The following FHOD3 variants were observed in gnomAD, a reference collection of about 807,000 sequenced individuals.
FHOD3 encodes FH1/FH2 domain-containing protein 3.
FHOD3 carries 90 observed loss-of-function variants against 173.0 expected under a neutral mutation model. The observed-to-expected ratio is 0.52, with a 90% CI of 0.44 to 0.62. The LOEUF is 0.62. FHOD3 is among the 20% of genes least tolerant of loss of function. The probability of loss-of-function intolerance (pLI) is 0.00; values close to 1 mark genes in which losing one functional copy is unlikely to be tolerated. For synonymous variants in FHOD3, 828 were observed against 823.0 expected, an observed-to-expected ratio of 1.01 and a Z score of -0.10; for missense variants, 1,945 against 2,034.7, an observed-to-expected ratio of 0.96 and a Z score of 0.85.
intron 3 of FHOD3, among the ~76,000 whole-genome samples, chr18:36,438,358 C>T (rs776771485): frequency 2.0e-5 from 3 of 152,122 alleles, no homozygotes; most frequent in Non-Finnish European, 4.4e-5. Flanking sequence ...TTGCTGTGTT[C>T]TCCCCTTCTC....
chr18:36,489,389 C>T (rs541498998), intron 3 of FHOD3, among the ~76,000 whole-genome samples: 6 of 152,292 alleles, frequency 3.9e-5, no homozygotes, highest in Admixed American at 2.6e-4. Flanking sequence ...AACTCGGGTG[C>T]GTGTTCTTCG....
chr18:36,301,045 A>G (rs1239554140), intron 1 of FHOD3, among the ~76,000 whole-genome samples: 3 of 152,160 alleles, frequency 2.0e-5, no homozygotes, highest in Non-Finnish European at 2.9e-5. Context: ...CCTGGCTGGG[A>G]GTAAACTTTT....
chr18:36,656,826 G>A (rs776986461), intron 13 of FHOD3, among the ~76,000 whole-genome samples: 36 of 151,852 alleles, frequency 2.4e-4, no homozygotes, highest in Non-Finnish European at 4.0e-4. Flanking sequence ...TCATACTTTC[G>A]TAGCCATTTC....
intron 1 of FHOD3, among the ~76,000 whole-genome samples, chr18:36,327,213 T>C (rs1418798090): frequency 6.6e-6 from 1 of 152,222 alleles, no homozygotes. Context: ...TTTGTTTCGA[T>C]TGTTAAAAAT....
rs764087061 is a variant in FHOD3 at position 36,744,121 on chromosome 18, C to A, written c.3969C>A (p.Thr1323=). The A allele has an allele frequency of 6.2e-7, 1 of 1,614,064 alleles. No individual in the cohort carries two copies. Among genetic ancestry groups the A allele is most frequent in the African/African-American group, 1.3e-5 (1 of 74,924 alleles). The stretch of plus-strand genomic sequence containing the variant: ...AGTCGCTTCTCCACCATGTGTGCAC[C>A]ATGGTGGTAGAAAACTTCCCAGACA... The part of the protein sequence containing the change: ...HKQSLLHHVC[T]MVVENFPDSS... Residue 1323 remains threonine, a synonymous_variant, in exon 23 of 29, where the codon ACC becomes ACA. Coordinates refer to ENST00000590592, the MANE Select transcript of FHOD3 (RefSeq NM_001281740.3).
chr18:36,579,745 G>A (rs568941520), intron 6 of FHOD3, among the ~76,000 whole-genome samples: 2 of 152,146 alleles, frequency 1.3e-5, no homozygotes, highest in Non-Finnish European at 2.9e-5. Flanking sequence ...CACAGTCAGT[G>A]CCTTGATCTG....
intron 11 of FHOD3, among the ~76,000 whole-genome samples, chr18:36,650,801 A>G (rs536700560): frequency 1.3e-5 from 2 of 152,328 alleles, no homozygotes; most frequent in Middle Eastern, 3.4e-3. Flanking sequence ...GGCGGCCTTC[A>G]AAGGCATCCC....
chr18:36,429,458 T>C (rs990182492), intron 3 of FHOD3, among the ~76,000 whole-genome samples: 2 of 152,168 alleles, frequency 1.3e-5, no homozygotes, highest in African/African-American at 4.8e-5. Context: ...CTTTAGTTCT[T>C]ATGGACAGCT....
intron 1 of FHOD3, among the ~76,000 whole-genome samples, chr18:36,318,530 C>T (rs1434129186): frequency 3.3e-5 from 5 of 152,088 alleles, no homozygotes; most frequent in African/African-American, 1.2e-4. Context: ...CTCTGTTTGT[C>T]TATTGTTGGT....
intron 28 of FHOD3, among the ~76,000 whole-genome samples, chr18:36,775,523 T>C (rs1026562086): frequency 1.3e-5 from 2 of 152,164 alleles, no homozygotes; most frequent in South Asian, 2.1e-4. Flanking sequence ...ATTGAAGATA[T>C]AACAAGAGTT....
chr18:36,740,013 A>G (rs752850586), intron 20 of FHOD3, among the ~76,000 whole-genome samples: 3 of 152,208 alleles, frequency 2.0e-5, no homozygotes, highest in Non-Finnish European at 4.4e-5. Context: ...GAGAATTTTT[A>G]CTTTAAAAAA....
In FHOD3 at chr18:36,569,570, A is replaced by G. The variant is rs188572588; in HGVS notation, c.512-6881A>G. 4.1e-4 allele frequency among the ~76,000 whole-genome samples: 63 copies of G among 152,318 alleles called. 1 individual carries two copies. In the East Asian group the frequency reaches 8.3e-3, roughly 20 times the overall value. On this transcript the variant is annotated intron_variant, in intron 5 of 28. Coordinates refer to ENST00000590592, the MANE Select transcript of FHOD3 (RefSeq NM_001281740.3). ...CAAGGCTATGAAGGAACTGAATGGCACCATCAACCAAATAGTTCTAATTGA... is the reference window on the plus strand; with the variant it reads ...CAAGGCTATGAAGGAACTGAATGGCGCCATCAACCAAATAGTTCTAATTGA...
intron 3 of FHOD3, among the ~76,000 whole-genome samples, chr18:36,385,674 T>C (rs1360440962): frequency 6.6e-6 from 1 of 152,244 alleles, no homozygotes; most frequent in Non-Finnish European, 1.5e-5. Flanking sequence ...GTGCTGGGAT[T>C]ACAGGCGTGA....
chr18:36,627,150 AACTC>A (rs1309525161), intron 10 of FHOD3, among the ~76,000 whole-genome samples: 2 of 152,198 alleles, frequency 1.3e-5, no homozygotes, highest in African/African-American at 4.8e-5. Context: ...ATCTTAAAGA[AACTC>A]AGCCAATTCT....
chr18:36,501,986 A>C lies in FHOD3; in HGVS notation c.392A>C (p.Lys131Thr), dbSNP rs952531768. ...TTGAGAAGGGCCCTCTTCTCCCTGAAGCAGATATTTCAGGTAAATAGGAAA... is the reference window on the plus strand; with the variant it reads ...TTGAGAAGGGCCCTCTTCTCCCTGACGCAGATATTTCAGGTAAATAGGAAA... ...RDLRRALFSL[K>T]QIFQDDKDLV... Residue 131 changes from lysine (K) to threonine (T), a missense_variant, in exon 4 of 29, where the codon AAG becomes ACG. Coordinates refer to ENST00000590592, the MANE Select transcript of FHOD3 (RefSeq NM_001281740.3). The C allele has an allele frequency of 1.2e-6, 2 of 1,605,514 alleles. No individual in the cohort carries two copies. Among genetic ancestry groups the C allele is most frequent in the Non-Finnish European group, 1.7e-6 (2 of 1,175,304 alleles).
chr18:36,416,369 A>G (rs891918870), intron 3 of FHOD3, among the ~76,000 whole-genome samples: 1 of 152,166 alleles, frequency 6.6e-6, no homozygotes, highest in African/African-American at 2.4e-5. Flanking sequence ...TTACACTGAA[A>G]TATGAACAGG....
intron 5 of FHOD3, among the ~76,000 whole-genome samples, chr18:36,545,279 C>T (rs1282685799): frequency 6.6e-6 from 1 of 152,116 alleles, no homozygotes; most frequent in African/African-American, 2.4e-5. Flanking sequence ...AGACAAGGAA[C>T]AATAAAGGAT....
At chr18:36,636,807 G>A (rs2034922734) in intron 10 of FHOD3, among the ~76,000 whole-genome samples, 1 of 152,106 alleles carries the variant, frequency 6.6e-6, no homozygotes, top group South Asian at 2.1e-4. Flanking sequence ...GAGCAGGGAT[G>A]GTGGGGGTGG....
At chr18:36,500,669 G>A (rs753250517) in intron 3 of FHOD3, among the ~76,000 whole-genome samples, 6 of 152,218 alleles carry the variant, frequency 3.9e-5, no homozygotes, top group Non-Finnish European at 7.3e-5. Context: ...GAGATGTAAA[G>A]TGTTTTGTTC....
Sources: allele counts gnomAD v4.1 joint callset (sites outside exome capture counted in the v4.1 genomes callset), GRCh38; gene constraint gnomAD v4.1.1; transcripts MANE v1.5; gene names NCBI Gene and HGNC (gene_info 2026-07-23, HGNC 2026-07-21).